The following DPP10 variants were observed in gnomAD, a reference collection of about 807,000 sequenced individuals.
DPP10 encodes dipeptidyl peptidase like 10, also known as inactive dipeptidyl peptidase 10.
A neutral mutation model predicts 120.9 loss-of-function variants in DPP10; 33 were observed. The ratio of observed to expected loss-of-function variants is 0.27; its 90% confidence interval spans 0.21 to 0.37. The LOEUF (loss-of-function observed/expected upper bound fraction) is 0.37. DPP10 is among the 10% of genes least tolerant of loss of function. The pLI, the probability that DPP10 is intolerant of heterozygous loss-of-function variation, is 1.00. For synonymous variants in DPP10, 337 were observed against 326.1 expected (o/e 1.03, Z -0.36); for missense variants, 816 against 942.8 (o/e 0.87, Z 1.76).
At chr2:114,678,139 A>G (rs1698788703) in intron 1 of DPP10, among the ~76,000 whole-genome samples, 1 of 152,096 alleles carries the variant, frequency 6.6e-6, no homozygotes, top group South Asian at 2.1e-4. Flanking sequence ...TTACAATGAG[A>G]GGAAATATCT....
intron 1 of DPP10, among the ~76,000 whole-genome samples, chr2:114,611,154 C>T (rs1693256477): frequency 6.6e-6 from 1 of 152,004 alleles, no homozygotes; most frequent in South Asian, 2.1e-4. Flanking sequence ...AAGGTTCAGG[C>T]ACCAAGCAGA....
intron 1 of DPP10, among the ~76,000 whole-genome samples, chr2:114,679,400 A>G (rs574012386): frequency 1.1e-4 from 17 of 152,170 alleles, no homozygotes; most frequent in Non-Finnish European, 1.9e-4. Context: ...ACAAACTGGT[A>G]TGCATTAGGC....
intron 1 of DPP10, among the ~76,000 whole-genome samples, chr2:115,236,531 A>G (rs187749463): frequency 2.0e-5 from 3 of 152,154 alleles, no homozygotes; most frequent in Non-Finnish European, 4.4e-5. Flanking sequence ...TTCTTTTTCT[A>G]TGGCAAACAT....
intron 1 of DPP10, among the ~76,000 whole-genome samples, chr2:114,637,340 C>T (rs965867374): frequency 2.0e-5 from 3 of 151,888 alleles, no homozygotes; most frequent in East Asian, 1.9e-4. Flanking sequence ...GATCTGTTAC[C>T]CTCACTATTG....
At chr2:115,371,284 CT>C (rs2106399858) in intron 3 of DPP10, among the ~76,000 whole-genome samples, 1 of 152,188 alleles carries the variant, frequency 6.6e-6, no homozygotes, top group African/African-American at 2.4e-5. Flanking sequence ...CAAATTGCTC[CT>C]TTTTCTGCAA....
intron 1 of DPP10, among the ~76,000 whole-genome samples, chr2:114,884,648 G>A (rs1691909855): frequency 6.6e-6 from 1 of 152,040 alleles, no homozygotes; most frequent in Admixed American, 6.6e-5. Context: ...AGATTTTGGT[G>A]CACCTGTCAC....
chr2:115,174,183 C>A (rs896512239), intron 1 of DPP10, among the ~76,000 whole-genome samples: 2 of 152,240 alleles, frequency 1.3e-5, no homozygotes, highest in Non-Finnish European at 2.9e-5. Context: ...TGCAGTATCT[C>A]ATTTTCCTGA....
intron 3 of DPP10, among the ~76,000 whole-genome samples, chr2:115,436,637 C>T (rs548941141): frequency 6.6e-6 from 1 of 151,726 alleles, no homozygotes; most frequent in East Asian, 1.9e-4. Context: ...AGAATCTTGG[C>T]AAGGTATGAT....
chr2:115,027,459 C>G (rs1703545964), intron 1 of DPP10, among the ~76,000 whole-genome samples: 1 of 152,056 alleles, frequency 6.6e-6, no homozygotes, highest in Non-Finnish European at 1.5e-5. Flanking sequence ...TGGGATGAAT[C>G]TCACTTGACT....
At chr2:115,465,340 T>G (rs2074254793) in intron 3 of DPP10, among the ~76,000 whole-genome samples, 1 of 152,128 alleles carries the variant, frequency 6.6e-6, no homozygotes, top group African/African-American at 2.4e-5. Flanking sequence ...AAAAACAGAT[T>G]TTATAGGCTT....
At chr2:115,720,772 T>C (rs2149608753) in intron 7 of DPP10, among the ~76,000 whole-genome samples, 1 of 152,286 alleles carries the variant, frequency 6.6e-6, no homozygotes, top group Admixed American at 6.5e-5. Context: ...TATTCTAAGA[T>C]GTGTTCTTAA....
chr2:115,299,695 T>C (rs1261648665), intron 1 of DPP10, among the ~76,000 whole-genome samples: 1 of 152,082 alleles, frequency 6.6e-6, no homozygotes, highest in Non-Finnish European at 1.5e-5. Context: ...AATATAGTTT[T>C]GCTTCTGTAT....
At chr2:115,052,689 C>T (rs1272233281) in intron 1 of DPP10, among the ~76,000 whole-genome samples, 1 of 152,164 alleles carries the variant, frequency 6.6e-6, no homozygotes, top group Non-Finnish European at 1.5e-5. Flanking sequence ...TGGTGGCTCA[C>T]ACCTATAATC....
At chr2:115,332,727 G>C (rs1222789353) in intron 2 of DPP10, among the ~76,000 whole-genome samples, 1 of 152,164 alleles carries the variant, frequency 6.6e-6, no homozygotes, top group African/African-American at 2.4e-5. Flanking sequence ...CCATGTAGTT[G>C]AGCAGTTTTG....
intron 1 of DPP10, among the ~76,000 whole-genome samples, chr2:114,563,231 A>G (rs1688914917): frequency 6.6e-6 from 1 of 152,060 alleles, no homozygotes; most frequent in South Asian, 2.1e-4. Flanking sequence ...AATTAGCTGG[A>G]CATGGTGGCC....
intron 3 of DPP10, among the ~76,000 whole-genome samples, chr2:115,410,173 G>A (rs772944680): frequency 1.2e-4 from 19 of 152,128 alleles, no homozygotes; most frequent in Non-Finnish European, 2.5e-4. Flanking sequence ...ATAAAGATAC[G>A]TGCATGCATA....
chr2:115,728,826 C>G (rs970514737), intron 8 of DPP10, among the ~76,000 whole-genome samples: 1 of 152,116 alleles, frequency 6.6e-6, no homozygotes, highest in African/African-American at 2.4e-5. Flanking sequence ...GGATAGATGT[C>G]TAGGTGCCAG....
chr2:114,661,955 G>A (rs534339987), intron 1 of DPP10, among the ~76,000 whole-genome samples: 44 of 151,924 alleles, frequency 2.9e-4, no homozygotes, highest in Non-Finnish European at 5.2e-4. Flanking sequence ...TGGGCTCTCC[G>A]GGATCGCGCC....
At chr2:115,347,495 T>C (rs2063767402) in intron 3 of DPP10, among the ~76,000 whole-genome samples, 1 of 152,090 alleles carries the variant, frequency 6.6e-6, no homozygotes, top group South Asian at 2.1e-4. Flanking sequence ...TTATTATTGT[T>C]ATTATACTTT....
Sources: allele counts gnomAD v4.1 joint callset (sites outside exome capture counted in the v4.1 genomes callset), GRCh38; gene constraint gnomAD v4.1.1; transcripts MANE v1.5; gene names NCBI Gene and HGNC (gene_info 2026-07-23, HGNC 2026-07-21).